The following ACP3 variants were observed in gnomAD, a reference collection of about 807,000 sequenced individuals.
ACP3 encodes acid phosphatase 3, also known as prostatic acid phosphatase.
A neutral mutation model predicts 45.6 loss-of-function variants in ACP3; 38 were observed. The observed-to-expected ratio is 0.83, with a 90% confidence interval of 0.64 to 1.09. The LOEUF (loss-of-function observed/expected upper bound fraction) is 1.09, where lower values mean the gene tolerates loss of function less well. ACP3 is among the 50% of genes least tolerant of loss of function. The pLI is 0.00. For synonymous variants in ACP3, 162 were observed against 164.7 expected (o/e 0.98, Z 0.13); for missense variants, 466 against 463.2 (o/e 1.01, Z -0.05).
chr3:132,355,228 C>T (rs1306513039), intron 9 of ACP3, among the ~76,000 whole-genome samples: 2 of 152,202 alleles, frequency 1.3e-5, no homozygotes, highest in Non-Finnish European at 2.9e-5. Flanking sequence ...CATTTCTGCT[C>T]ACTTTCTACT....
intron 4 of ACP3, among the ~76,000 whole-genome samples, chr3:132,335,595 G>A (rs1937476018): frequency 1.3e-5 from 2 of 152,182 alleles, no homozygotes; most frequent in African/African-American, 4.8e-5. Flanking sequence ...ATAAAATAAT[G>A]TCAGATGGCG....
intron 7 of ACP3, among the ~76,000 whole-genome samples, chr3:132,346,938 G>A (rs973101686): frequency 3.9e-5 from 6 of 152,194 alleles, no homozygotes; most frequent in African/African-American, 1.4e-4. Flanking sequence ...ATACCAGACA[G>A]GAGTTGACAG....
At chr3:132,328,736 A>G (rs1456669883) in intron 2 of ACP3, among the ~76,000 whole-genome samples, 1 of 149,956 alleles carries the variant, frequency 6.7e-6, no homozygotes, top group African/African-American at 2.4e-5. Flanking sequence ...AAATGTATAT[A>G]GAATTGTCTG....
chr3:132,332,283 G>A lies in ACP3; in HGVS notation c.395G>A (p.Trp132Ter). ...ALFPPEGVSI[W>*]NPILLWQPIP... ...TTTCCCCCAGAAGGTGTCAGCATCTGGAATCCTATCCTACTCTGGCAGCCC... is the reference window on the plus strand; with the variant it reads ...TTTCCCCCAGAAGGTGTCAGCATCTAGAATCCTATCCTACTCTGGCAGCCC... Residue 132 changes from tryptophan to a stop codon, truncating the protein, a stop_gained, in exon 4 of 10, where the codon TGG (tryptophan) becomes TAG (stop). Coordinates refer to ENST00000336375, the MANE Select transcript of ACP3 (RefSeq NM_001099.5). LOFTEE classifies it high-confidence loss of function. The A allele has an allele frequency of 6.2e-7, 1 of 1,614,110 alleles. No individual in the cohort carries two copies. The highest frequency in any genetic ancestry group is 8.5e-7 in the Non-Finnish European group (1 of 1,179,990).
At chr3:132,341,887 G>T (rs902831871) in intron 5 of ACP3, among the ~76,000 whole-genome samples, 2 of 152,162 alleles carry the variant, frequency 1.3e-5, no homozygotes, top group African/African-American at 4.8e-5. Context: ...AGGCTTCCCA[G>T]AAATGGCTGC....
At position 132,347,844 on chromosome 3, in the gene ACP3, T is replaced by TACACACACACACACACACACAC. The variant is rs112045628; in HGVS notation, c.782-2069_782-2048dup. 3.5e-3 allele frequency among the ~76,000 whole-genome samples: 505 copies of TACACACACACACACACACACAC among 144,994 alleles called. 3 individuals carry two copies. Among genetic ancestry groups the TACACACACACACACACACACAC allele is most frequent in the African/African-American group, 0.01 (401 of 38,508 alleles). On this transcript the variant is annotated intron_variant, in intron 7 of 9. Coordinates refer to ENST00000336375, the MANE Select transcript of ACP3 (RefSeq NM_001099.5). Reference sequence around the variant, plus strand: ...CACTGTTCAGTAAGACACACACACATACACACACACACACACACACACACA... The same window carrying TACACACACACACACACACACAC: ...CACTGTTCAGTAAGACACACACACATACACACACACACACACACACACACACACACACACACACACACACACA...
intron 4 of ACP3, among the ~76,000 whole-genome samples, chr3:132,336,079 T>C (rs1937485094): frequency 1.3e-5 from 2 of 151,976 alleles, no homozygotes; most frequent in African/African-American, 4.8e-5. Context: ...GCTAACACAG[T>C]GAAACCCCGT....
At chr3:132,368,090 C>G (rs935466722) in exon 11 of ACP3, 1 of 297,122 alleles carries the variant, frequency 3.4e-6, no homozygotes, top group Non-Finnish European at 6.3e-6. Flanking sequence ...TGGTTGTATT[C>G]TCTGCCACAG....
chr3:132,341,109 TC>T (rs1403567552), intron 5 of ACP3, among the ~76,000 whole-genome samples: 5 of 152,162 alleles, frequency 3.3e-5, no homozygotes, highest in African/African-American at 1.2e-4. Flanking sequence ...TCTCCAGTTT[TC>T]AAAAATGTGT....
At chr3:132,355,515 A>AT (rs1396446845) in intron 9 of ACP3, among the ~76,000 whole-genome samples, 2 of 137,904 alleles carry the variant, frequency 1.5e-5, no homozygotes, top group Non-Finnish European at 3.1e-5. Context: ...TTTTATTTTT[A>AT]TTTTATTTTA....
At chr3:132,318,958 C>T (rs938071203) in intron 1 of ACP3, among the ~76,000 whole-genome samples, 21 of 152,204 alleles carry the variant, frequency 1.4e-4, no homozygotes, top group Non-Finnish European at 2.5e-4. Context: ...CAAGTTAGCC[C>T]AGGCTAACTT....
Position 132,321,082 on chromosome 3 carries a change from T to C in ACP3, c.120+3506T>C, listed in dbSNP as rs117117045. Among the ~76,000 whole-genome samples the C allele has an allele frequency of 2.4e-3, 362 of 152,278 alleles. 10 individuals are homozygous for C. The East Asian group carries it at 0.039, about 17-fold the overall frequency. Reference sequence around the variant, plus strand: ...AGGGAAGGTGGAGCTAGAGGATCACTTGAGCACAGCAGTGTGAGGCCACAT... The same window carrying C: ...AGGGAAGGTGGAGCTAGAGGATCACCTGAGCACAGCAGTGTGAGGCCACAT... On this transcript the variant is annotated intron_variant, in intron 1 of 9. Coordinates refer to ENST00000336375, the MANE Select transcript of ACP3 (RefSeq NM_001099.5).
intron 2 of ACP3, among the ~76,000 whole-genome samples, chr3:132,330,794 G>T (rs1338040846): frequency 6.6e-6 from 1 of 152,190 alleles, no homozygotes; most frequent in East Asian, 1.9e-4. Flanking sequence ...AAACTTGAAT[G>T]CTGCATTTCC....
At chr3:132,318,264 C>T (rs1399915974) in intron 1 of ACP3, among the ~76,000 whole-genome samples, 2 of 152,092 alleles carry the variant, frequency 1.3e-5, no homozygotes, top group Non-Finnish European at 2.9e-5. Context: ...ACCTAAGAGT[C>T]TGATTTTCTG....
chr3:132,327,584 C>A (rs59628590), intron 1 of ACP3, among the ~76,000 whole-genome samples: 1 of 148,796 alleles, frequency 6.7e-6, no homozygotes, highest in Non-Finnish European at 1.5e-5. Context: ...TTTGGAAGGC[C>A]GAGGCAAGTG....
chr3:132,339,304 G>T (rs975382116), intron 5 of ACP3, among the ~76,000 whole-genome samples: 4 of 152,198 alleles, frequency 2.6e-5, no homozygotes, highest in African/African-American at 9.6e-5. Flanking sequence ...AACACAGACA[G>T]AAGACTTCTG....
At chr3:132,342,306 G>T (rs143647154) in intron 5 of ACP3, among the ~76,000 whole-genome samples, 1 of 152,102 alleles carries the variant, frequency 6.6e-6, no homozygotes, top group Non-Finnish European at 1.5e-5. Context: ...GAAGAACAGC[G>T]GTTCTCAACA....
chr3:132,317,780 GT>G (rs1402590297), intron 1 of ACP3, among the ~76,000 whole-genome samples: 1 of 152,106 alleles, frequency 6.6e-6, no homozygotes, highest in Non-Finnish European at 1.5e-5. Flanking sequence ...TTTGGTCGCT[GT>G]TTTTTTAGGG....
chr3:132,340,222 A>G (rs961113757), intron 5 of ACP3, among the ~76,000 whole-genome samples: 1 of 151,684 alleles, frequency 6.6e-6, no homozygotes, highest in African/African-American at 2.4e-5. Flanking sequence ...GGCTGAGGCA[A>G]GAGAATCACT....
Sources: gnomAD v4.1 joint callset for allele counts (sites outside exome capture counted in the v4.1 genomes callset) on GRCh38, gnomAD v4.1.1 for gene constraint, MANE v1.5 for transcripts, NCBI Gene and HGNC (gene_info 2026-07-23, HGNC 2026-07-21) for gene names.